Variants in TFPI observed in about 807,000 individuals in gnomAD.
TFPI encodes anti-convertin.
A neutral mutation model predicts 34.6 loss-of-function variants in TFPI; 15 were observed. The observed-to-expected ratio is 0.43, with a 90% confidence interval of 0.29 to 0.67. The LOEUF is 0.67. TFPI is among the 30% of genes least tolerant of loss of function. The pLI, the probability that TFPI is intolerant of heterozygous loss-of-function variation, is 0.15. For missense variants in TFPI, 301 were observed against 364.0 expected, an observed-to-expected ratio of 0.83 and a Z score of 1.41; for synonymous variants, 105 against 120.1, an observed-to-expected ratio of 0.87 and a Z score of 0.82.
intron 1 of TFPI, chr2:187,518,410 G>T (rs888289296): frequency 1.3e-5 from 2 of 152,086 alleles, no homozygotes; most frequent in Non-Finnish European, 2.9e-5. Flanking sequence ...GCTTAATTTG[G>T]CTGGATACGA....
chr2:187,493,406 C>A (rs1412026192), intron 3 of TFPI, among the ~76,000 whole-genome samples: 1 of 152,158 alleles, frequency 6.6e-6, no homozygotes, highest in Non-Finnish European at 1.5e-5. Context: ...CCTCCTAAGC[C>A]TCCAGGCCTG....
chr2:187,503,778 A>G lies in TFPI; in HGVS notation c.-2-8T>C. 1 of 1,611,940 alleles carries G rather than the reference A, an allele frequency of 6.2e-7. No homozygotes were observed. Among genetic ancestry groups the G allele is most frequent in the Non-Finnish European group, 8.5e-7 (1 of 1,178,722 alleles). ...TCATTGTGTAAATCATCTCTGAAATACAGAACCCATACATATCTAATAAAT... is the reference window on the plus strand; with the variant it reads ...TCATTGTGTAAATCATCTCTGAAATGCAGAACCCATACATATCTAATAAAT... On this transcript the variant is annotated splice_region_variant and splice_polypyrimidine_tract_variant and intron_variant, in intron 1 of 7. Coordinates refer to ENST00000233156, the MANE Select transcript of TFPI (RefSeq NM_006287.6).
Position 187,467,945 on chromosome 2 carries a change from A to G in TFPI, c.629-13T>C, listed in dbSNP as rs1332264657. 2 of 1,560,792 alleles carry G rather than the reference A, an allele frequency of 1.3e-6. No homozygotes were observed. Among genetic ancestry groups the G allele is most frequent in the African/African-American group, 1.4e-5 (1 of 73,282 alleles). ...GGACCGTGAAATTCTAAAAACAATC[A>G]GGAAAACATGGTAAGCCATATGTGA... On this transcript the variant is annotated splice_polypyrimidine_tract_variant and intron_variant, in intron 6 of 7. Coordinates refer to ENST00000233156, the MANE Select transcript of TFPI (RefSeq NM_006287.6).
intron 1 of TFPI, among the ~76,000 whole-genome samples, chr2:187,538,930 T>C (rs1688416671): frequency 6.6e-6 from 1 of 152,198 alleles, no homozygotes. Flanking sequence ...TTATTTATGG[T>C]AAATTCACAG....
chr2:187,513,555 C>G (rs532965780), intron 1 of TFPI: 8 of 152,560 alleles, frequency 5.2e-5, no homozygotes. Flanking sequence ...TCTGGTAAAC[C>G]AGCTCCAGCC....
intron 2 of TFPI, among the ~76,000 whole-genome samples, chr2:187,498,512 T>G (rs1220207170): frequency 6.6e-6 from 1 of 151,856 alleles, no homozygotes; most frequent in Non-Finnish European, 1.5e-5. Flanking sequence ...TTTACAATCT[T>G]GGAAGGATTA....
chr2:187,546,282 GTTTT>G (rs34692721), intron 1 of TFPI, among the ~76,000 whole-genome samples: 2 of 135,112 alleles, frequency 1.5e-5, no homozygotes, highest in Admixed American at 1.5e-4. Context: ...AAATTTGTAA[GTTTT>G]TTTTTTTTTT....
At chr2:187,507,491 G>A (rs1686306888) in intron 1 of TFPI, among the ~76,000 whole-genome samples, 1 of 152,128 alleles carries the variant, frequency 6.6e-6, no homozygotes, top group Non-Finnish European at 1.5e-5. Flanking sequence ...CCCAACAACA[G>A]TATAAAAGAG....
At chr2:187,497,713 T>C (rs1004831261) in intron 2 of TFPI, among the ~76,000 whole-genome samples, 2 of 152,006 alleles carry the variant, frequency 1.3e-5, no homozygotes, top group Admixed American at 6.6e-5. Flanking sequence ...TATATATTTT[T>C]TCTTTAAATA....
At chr2:187,528,626 A>G (rs955018117) in intron 1 of TFPI, among the ~76,000 whole-genome samples, 1 of 152,194 alleles carries the variant, frequency 6.6e-6, no homozygotes, top group Non-Finnish European at 1.5e-5. Context: ...AATTATAACA[A>G]TCATAATGTA....
chr2:187,479,587 A>ATATATATATATATATG (rs1334522876), intron 6 of TFPI, among the ~76,000 whole-genome samples: 1 of 131,182 alleles, frequency 7.6e-6, no homozygotes, highest in Non-Finnish European at 1.6e-5. Flanking sequence ...ATATATATAT[A>ATATATATATATATATG]TATGATTTAA....
At chr2:187,486,614 C>A in intron 4 of TFPI, among the ~76,000 whole-genome samples, 1 of 151,542 alleles carries the variant, frequency 6.6e-6, no homozygotes, top group South Asian at 2.1e-4. Flanking sequence ...TGAAAATGGA[C>A]ACATGTAAAA....
At chr2:187,493,811 C>T (rs1023434347) in intron 3 of TFPI, among the ~76,000 whole-genome samples, 1 of 152,202 alleles carries the variant, frequency 6.6e-6, no homozygotes, top group African/African-American at 2.4e-5. Context: ...AAAAGTTCCT[C>T]ATCTCTATCT....
chr2:187,540,039 C>T (rs1045692893), intron 1 of TFPI, among the ~76,000 whole-genome samples: 19 of 151,784 alleles, frequency 1.3e-4, no homozygotes, highest in Non-Finnish European at 2.1e-4. Context: ...GGACTACAGG[C>T]GCCCACCACC....
chr2:187,484,263 C>G (rs1310974724), intron 5 of TFPI, 47 bp from the exon 6 acceptor site: 1 of 1,538,644 alleles, frequency 6.5e-7, no homozygotes, highest in East Asian at 2.3e-5. Context: ...TTGTCACAAT[C>G]TCATATTTGG....
chr2:187,467,766 C>T lies in TFPI; in HGVS notation c.795G>A (p.Arg265=), dbSNP rs1691797590. The part of the protein sequence containing the change: ...NNFTSKQECL[R]ACKKGFIQRI... ...TATCTTCTATACCTTTTTTACATGCCCTCAGACATTCTTGTTTGGAAGTAA... is the reference window on the plus strand; with the variant it reads ...TATCTTCTATACCTTTTTTACATGCTCTCAGACATTCTTGTTTGGAAGTAA... The change falls in exon 7 of 8, where the codon AGG becomes AGA. Residue 265 remains arginine (R), a synonymous_variant. Transcript: ENST00000233156. The T allele has an allele frequency of 6.2e-7, 1 of 1,605,446 alleles. No individual in the cohort carries two copies. Among genetic ancestry groups the T allele is most frequent in the Admixed American group, 1.7e-5 (1 of 58,658 alleles).
intron 1 of TFPI, among the ~76,000 whole-genome samples, chr2:187,542,535 T>C (rs1688637070): frequency 6.6e-6 from 1 of 152,084 alleles, no homozygotes; most frequent in Admixed American, 6.6e-5. Flanking sequence ...TTTGATGTTC[T>C]CTCTAGGTAA....
intron 1 of TFPI, among the ~76,000 whole-genome samples, chr2:187,550,310 T>C (rs1465914475): frequency 6.6e-6 from 1 of 152,080 alleles, no homozygotes; most frequent in East Asian, 1.9e-4. Context: ...TGTTCCCAAG[T>C]TGCAAAACTC....
intron 5 of TFPI, 139 bp downstream of exon 5, chr2:187,484,672 A>C (rs1461701148): frequency 1.5e-6 from 1 of 679,360 alleles, no homozygotes; most frequent in Non-Finnish European, 2.3e-6. Flanking sequence ...TACAGTCACA[A>C]ATCTCACATT....
Sources: gnomAD v4.1 joint callset for allele counts (sites outside exome capture counted in the v4.1 genomes callset) on GRCh38, gnomAD v4.1.1 for gene constraint, MANE v1.5 for transcripts, NCBI Gene and HGNC (gene_info 2026-07-23, HGNC 2026-07-21) for gene names.